The following ZC3H3 variants were observed in gnomAD, a reference collection of about 807,000 sequenced individuals.
ZC3H3 encodes the protein zinc finger CCCH domain-containing protein 3.
ZC3H3 carries 36 observed loss-of-function variants against 77.3 expected under a neutral mutation model. The observed-to-expected ratio is 0.47, with a 90% CI of 0.36 to 0.61. The LOEUF (loss-of-function observed/expected upper bound fraction) is 0.61, where lower values mean the gene tolerates loss of function less well. ZC3H3 is among the 20% of genes least tolerant of loss of function. The pLI is 0.00. For missense variants in ZC3H3, 1,331 were observed against 1,312.2 expected, an observed-to-expected ratio of 1.01 and a Z score of -0.22; for synonymous variants, 626 against 555.2, an observed-to-expected ratio of 1.13 and a Z score of -1.79.
chr8:143,492,324 G>A (rs186842801), intron 4 of ZC3H3, among the ~76,000 whole-genome samples: 219 of 152,134 alleles, frequency 1.4e-3, no homozygotes, highest in African/African-American at 3.6e-3. Flanking sequence ...GGGGGGATCC[G>A]GTGGCGGCCA....
At chr8:143,465,683 A>T (rs200175526) in intron 9 of ZC3H3, 34 bp downstream of exon 9, 1 of 1,610,460 alleles carries the variant, frequency 6.2e-7, no homozygotes, top group Non-Finnish European at 8.5e-7. Context: ...AGCCACAGGA[A>T]CCCCGCCCAC....
intron 3 of ZC3H3, among the ~76,000 whole-genome samples, chr8:143,524,639 T>C (rs1332821459): frequency 1.3e-5 from 2 of 152,234 alleles, no homozygotes; most frequent in African/African-American, 4.8e-5. Flanking sequence ...GACTGGCCCC[T>C]GTGAGCTTCA....
In ZC3H3 at chr8:143,494,356, G is replaced by C. The variant is rs181517022; in HGVS notation, c.1715+13390C>G. Among the ~76,000 whole-genome samples the C allele has an allele frequency of 6.6e-6, 1 of 152,212 alleles. No individual in the cohort carries two copies. The highest frequency in any genetic ancestry group is 2.4e-5 in the African/African-American group (1 of 41,452). On this transcript the variant is annotated intron_variant, in intron 4 of 11. Transcript: ENST00000262577. This position sits in a 1 kb window ranked among gnomAD's most constrained non-coding sequence, Gnocchi z 5.3. ...CAGGCTACGGGACCGGTGGCAGCCC[G>C]CCAGCCCTCCCTCTGAGCAGGCCCC...
rs191847126 is a variant in ZC3H3, at chr8:143,532,299, C to G, written c.1561+3958G>C. ...GCCCTCTGCTGGCCACTGGGCCGCA[C>G]GGCAAGGCTGAAGTGCGGCGGGGGA... On this transcript the variant is annotated intron_variant, in intron 3 of 11. Coordinates refer to ENST00000262577, the MANE Select transcript of ZC3H3 (RefSeq NM_015117.3). Among the ~76,000 whole-genome samples the G allele has an allele frequency of 3.3e-5, 5 of 152,246 alleles. No homozygotes were observed. The East Asian group carries it at 9.6e-4, about 29-fold the overall frequency.
intron 5 of ZC3H3, among the ~76,000 whole-genome samples, chr8:143,473,078 TG>T (rs1563846912): frequency 6.6e-6 from 1 of 152,206 alleles, no homozygotes; most frequent in East Asian, 1.9e-4. Context: ...CAGGACATCA[TG>T]GTCTCCATGG....
At position 143,507,795 on chromosome 8, in the gene ZC3H3, A is replaced by T. The variant is rs764118922; in HGVS notation, c.1666T>A (p.Phe556Ile). The change falls in exon 4 of 12, where the codon TTC becomes ATC. Residue 556 changes from phenylalanine (F) to isoleucine (I), a missense_variant. Physicochemically the swap from Phe to Ile is conservative, Grantham distance 21. Around this residue, in one of 3 missense-constraint regions of ZC3H3, gnomAD observed 978 missense variants for 915.5 expected, o/e 1.07. Coordinates refer to ENST00000262577, the MANE Select transcript of ZC3H3 (RefSeq NM_015117.3). ...TPASPLSAPP[F>I]PLSLPSWRAR... Reference sequence around the variant, plus strand: ...CGCCAGGAGGGCAGAGACAGGGGGAAGGGCGGGGCGCTGAGAGGCGAGGCC... The same window carrying T: ...CGCCAGGAGGGCAGAGACAGGGGGATGGGCGGGGCGCTGAGAGGCGAGGCC... 9 of 1,604,020 alleles carry T rather than the reference A, an allele frequency of 5.6e-6. No individual in the cohort carries two copies. Among genetic ancestry groups the T allele is most frequent in the Admixed American group, 1.7e-5 (1 of 59,860 alleles).
chr8:143,520,838 A>AGGGCCCACCCCTGCCCAGGAGCTAGGAGT (rs1822218498), intron 3 of ZC3H3, among the ~76,000 whole-genome samples: 2 of 152,176 alleles, frequency 1.3e-5, no homozygotes, highest in Non-Finnish European at 2.9e-5. Flanking sequence ...GGTGCCCACT[A>AGGGCCCACCCCTGCCCAGGAGCTAGGAGT]GGGCCCACCC....
chr8:143,538,467 G>A lies in ZC3H3; in HGVS notation c.900C>T (p.Thr300=), dbSNP rs752016160. 3 of 1,613,106 alleles carry A rather than the reference G, an allele frequency of 1.9e-6. No homozygotes were observed. Among genetic ancestry groups the A allele is most frequent in the Non-Finnish European group, 2.5e-6 (3 of 1,180,046 alleles). The change falls in exon 2 of 12, where the codon ACC becomes ACT. Residue 300 remains threonine, a synonymous_variant. Coordinates refer to ENST00000262577, the MANE Select transcript of ZC3H3 (RefSeq NM_015117.3). ...RQAREASLVV[T]CRTNKFRKNN... ...TTTTCCGGAACTTGTTAGTTCGACAGGTCACAACCAGCGAGGCCTCCCGGG... is the reference window on the plus strand; with the variant it reads ...TTTTCCGGAACTTGTTAGTTCGACAAGTCACAACCAGCGAGGCCTCCCGGG...
At chr8:143,475,096 G>T (rs1412695190) in intron 5 of ZC3H3, among the ~76,000 whole-genome samples, 4 of 152,226 alleles carry the variant, frequency 2.6e-5, no homozygotes. Context: ...GCAGAGGAAG[G>T]CCTCCTGGCA....
chr8:143,523,357 A>G (rs1476128119), intron 3 of ZC3H3: 1 of 985,432 alleles, frequency 1.0e-6, no homozygotes, highest in Non-Finnish European at 1.2e-6. Context: ...GGGGTCCCAC[A>G]AGAGCAGGCA....
At chr8:143,479,653 C>T (rs534964719) in intron 4 of ZC3H3, among the ~76,000 whole-genome samples, 1 of 152,330 alleles carries the variant, frequency 6.6e-6, no homozygotes, top group African/African-American at 2.4e-5. Context: ...CATTTCTAAT[C>T]CATTTGAAAT....
intron 3 of ZC3H3, among the ~76,000 whole-genome samples, chr8:143,519,333 G>A (rs1391490295): frequency 6.6e-6 from 1 of 152,170 alleles, no homozygotes. Context: ...GGAAGGGTGG[G>A]TGAGAACCAC....
intron 4 of ZC3H3, among the ~76,000 whole-genome samples, chr8:143,497,362 C>T (rs917574631): frequency 5.0e-4 from 76 of 152,268 alleles, no homozygotes; most frequent in African/African-American, 1.7e-3. Flanking sequence ...CCCAACCCCG[C>T]CACCAGTCAC....
intron 11 of ZC3H3, 73 bp downstream of exon 11, chr8:143,439,968 G>C: frequency 1.5e-6 from 2 of 1,345,728 alleles, no homozygotes. Flanking sequence ...GGGGGCCTGA[G>C]CCAGGCCGTG....
At chr8:143,467,296 C>T (rs1385359202) in intron 8 of ZC3H3, among the ~76,000 whole-genome samples, 1 of 152,196 alleles carries the variant, frequency 6.6e-6, no homozygotes, top group Non-Finnish European at 1.5e-5. Context: ...TTTCAATTAA[C>T]CTTGTTTGCA....
chr8:143,528,529 G>A (rs1360118639), intron 3 of ZC3H3, among the ~76,000 whole-genome samples: 1 of 152,248 alleles, frequency 6.6e-6, no homozygotes, highest in African/African-American at 2.4e-5. Context: ...CGGCGAGGAT[G>A]GCACAGAAAC....
chr8:143,479,451 C>T (rs942268238), intron 4 of ZC3H3, among the ~76,000 whole-genome samples: 4 of 152,196 alleles, frequency 2.6e-5, no homozygotes, highest in East Asian at 3.8e-4. Context: ...ATTCCTTTTC[C>T]GCAACGGGAG....
At chr8:143,527,076 C>T (rs906617868) in intron 3 of ZC3H3, among the ~76,000 whole-genome samples, 2 of 152,202 alleles carry the variant, frequency 1.3e-5, no homozygotes, top group Non-Finnish European at 2.9e-5. Flanking sequence ...CGTGCCCACC[C>T]GCCACCCGAG....
chr8:143,537,822 G>A (rs573212776), intron 2 of ZC3H3, among the ~76,000 whole-genome samples, 181 bp downstream of exon 2: 88 of 152,044 alleles, frequency 5.8e-4, no homozygotes, highest in African/African-American at 2.1e-3. Flanking sequence ...AGTTTATGCC[G>A]GCCAGGGCCC....
Sources: allele counts gnomAD v4.1 joint callset (sites outside exome capture counted in the v4.1 genomes callset), GRCh38; gene constraint gnomAD v4.1.1; regional missense constraint gnomAD v4.1.1; non-coding constraint Gnocchi (gnomAD v3.1); transcripts MANE v1.5; gene names NCBI Gene and HGNC (gene_info 2026-07-23, HGNC 2026-07-21).